The following NRXN3 variants were observed in gnomAD, a reference collection of about 807,000 sequenced individuals.
NRXN3 encodes the protein neurexin 3.
Under a neutral mutation model 137.6 loss-of-function variants are expected in NRXN3, and 32 were observed. The ratio of observed to expected loss-of-function variants is 0.23; its 90% CI spans 0.18 to 0.31. NRXN3 has a LOEUF of 0.31. Ranked by LOEUF, NRXN3 falls within the 10% of genes least tolerant of loss-of-function variation. The pLI is 1.00. For missense variants in NRXN3, 1,574 were observed against 2,062.5 expected (o/e 0.76, Z 4.59); for synonymous variants, 798 against 784.5 (o/e 1.02, Z -0.29).
chr14:79,598,776 T>C (rs777944643), intron 16 of NRXN3, among the ~76,000 whole-genome samples: 3 of 152,152 alleles, frequency 2.0e-5, no homozygotes, highest in Non-Finnish European at 2.9e-5. Flanking sequence ...ACACATCTCT[T>C]GGTGCTTTTG....
At chr14:79,153,829 G>A (rs1001902424) in intron 15 of NRXN3, among the ~76,000 whole-genome samples, 31 of 151,930 alleles carry the variant, frequency 2.0e-4, no homozygotes, top group African/African-American at 7.2e-4. Flanking sequence ...GTCCAGGCTT[G>A]GTAGGAACCC....
intron 16 of NRXN3, among the ~76,000 whole-genome samples, chr14:79,583,167 AG>A (rs2097733141): frequency 6.6e-6 from 1 of 152,226 alleles, no homozygotes; most frequent in Non-Finnish European, 1.5e-5. Context: ...GTGGCTAAAA[AG>A]AGGGCTCTGT....
chr14:78,253,319 T>C (rs907890380), intron 2 of NRXN3, among the ~76,000 whole-genome samples: 1 of 152,198 alleles, frequency 6.6e-6, no homozygotes, highest in Non-Finnish European at 1.5e-5. Flanking sequence ...TATTATAATG[T>C]ATTACTTTCT....
At chr14:79,639,677 A>G (rs1014958425) in intron 16 of NRXN3, among the ~76,000 whole-genome samples, 41 of 152,214 alleles carry the variant, frequency 2.7e-4, no homozygotes, top group African/African-American at 9.6e-4. Flanking sequence ...ATTGAGGGCC[A>G]ACCTCTTGAA....
intron 15 of NRXN3, among the ~76,000 whole-genome samples, chr14:79,286,075 T>G (rs1342672101): frequency 6.6e-6 from 1 of 152,186 alleles, no homozygotes; most frequent in African/African-American, 2.4e-5. Context: ...TGAAGACTTG[T>G]GTTTTCTTTC....
intron 10 of NRXN3, among the ~76,000 whole-genome samples, chr14:78,813,004 TAG>T (rs1168303370): frequency 6.9e-6 from 1 of 144,226 alleles, no homozygotes; most frequent in African/African-American, 2.6e-5. Flanking sequence ...TAGGGTTATG[TAG>T]AGTCACAAAG....
rs530050763 is a variant in NRXN3 at position 79,295,270 on chromosome 14, G to T, written c.3263-171951G>T. ...CTGGGATGTTTTCATCCAGATTGCC[G>T]TATGGCCACTCCTTCTTCTTATACG... is the stretch of plus-strand genomic sequence containing the variant. On this transcript the variant is annotated intron_variant, in intron 15 of 20. Transcript: ENST00000335750. Among the ~76,000 whole-genome samples, 5 of 151,662 alleles carry T rather than the reference G, an allele frequency of 3.3e-5. No homozygotes were observed. In the South Asian group the frequency reaches 1.0e-3, roughly 32 times the overall value.
At chr14:79,326,244 A>T (rs116659826) in intron 15 of NRXN3, among the ~76,000 whole-genome samples, 3,190 of 152,268 alleles carry the variant, frequency 0.021, 112 homozygotes, top group African/African-American at 0.073. Context: ...CTTCTTAAGG[A>T]CCTTAGTGCA....
chr14:79,000,187 C>A (rs1267646098), intron 15 of NRXN3, among the ~76,000 whole-genome samples: 1 of 151,858 alleles, frequency 6.6e-6, no homozygotes, highest in Non-Finnish European at 1.5e-5. Flanking sequence ...TTGAAATCAG[C>A]CCTTTACTAA....
intron 15 of NRXN3, among the ~76,000 whole-genome samples, chr14:78,998,831 T>C (rs2099535748): frequency 6.7e-6 from 1 of 149,608 alleles, no homozygotes; most frequent in Non-Finnish European, 1.5e-5. Flanking sequence ...CTTGAACTCC[T>C]GTCCTGAAGT....
At chr14:78,396,926 C>T (rs1240527110) in intron 4 of NRXN3, among the ~76,000 whole-genome samples, 1 of 152,128 alleles carries the variant, frequency 6.6e-6, no homozygotes, top group Non-Finnish European at 1.5e-5. Flanking sequence ...GGTTGGGGCT[C>T]TCTTTCTGGC....
At chr14:79,530,593 GTTTTTT>G (rs199958147) in intron 16 of NRXN3, among the ~76,000 whole-genome samples, 1 of 140,518 alleles carries the variant, frequency 7.1e-6, no homozygotes, top group Non-Finnish European at 1.6e-5. Context: ...GAGGTTTTTT[GTTTTTT>G]TTTTTTCCTT....
chr14:79,281,562 G>T (rs533999012), intron 15 of NRXN3, among the ~76,000 whole-genome samples: 125 of 152,222 alleles, frequency 8.2e-4, no homozygotes, highest in African/African-American at 2.9e-3. Flanking sequence ...GACTGGTCTT[G>T]CTTGGGAGCT....
At chr14:79,300,061 GTA>G (rs1226573814) in intron 15 of NRXN3, among the ~76,000 whole-genome samples, 1 of 152,026 alleles carries the variant, frequency 6.6e-6, no homozygotes, top group African/African-American at 2.4e-5. Flanking sequence ...AAAGCGACAA[GTA>G]TCAAAGGAAT....
chr14:78,242,827 C>T lies in NRXN3; in HGVS notation c.-267C>T, dbSNP rs2067223089. On this transcript the variant is annotated 5_prime_UTR_variant, in exon 2 of 21. Transcript: ENST00000335750. ...TTTACTCCAGTCCCTCACTTCCCCA[C>T]CTGATTTTCCTCCTCTTCTGCTGGT... 5 of 456,584 alleles carry T rather than the reference C, an allele frequency of 1.1e-5. No individual in the cohort carries two copies. The East Asian group carries it at 1.7e-4, about 15-fold the overall frequency. 28.3% of individuals were successfully genotyped at this position (456,584 alleles called of 1,614,324 possible).
In NRXN3 at chr14:79,647,315, G is replaced by T. The variant is rs1350719099; in HGVS notation, c.3445-16463G>T. On this transcript the variant is annotated intron_variant, in intron 16 of 20. Transcript: ENST00000335750. ...GGCCTGCATTAAATTTTTCTTTATG[G>T]TTATAGCCATGCAGATAGATGCATG... is the stretch of plus-strand genomic sequence containing the variant. Among the ~76,000 whole-genome samples the T allele has an allele frequency of 1.5e-5, 2 of 135,722 alleles. 1 individual carries two copies. The highest frequency in any genetic ancestry group is 3.4e-5 in the Non-Finnish European group (2 of 58,400). The allele number at this position is 135,722 out of a possible 152,430, so 89.0% of individuals were successfully genotyped here.
intron 15 of NRXN3, among the ~76,000 whole-genome samples, chr14:79,055,988 T>C (rs1443900965): frequency 6.6e-6 from 1 of 152,126 alleles, no homozygotes; most frequent in Non-Finnish European, 1.5e-5. Flanking sequence ...AGAAGTGAAA[T>C]GTTTAAAGAA....
chr14:78,942,991 G>A (rs1230591647), intron 10 of NRXN3, among the ~76,000 whole-genome samples: 1 of 152,212 alleles, frequency 6.6e-6, no homozygotes, highest in Non-Finnish European at 1.5e-5. Context: ...GAAAATGGGA[G>A]ATGTCTGAGA....
At chr14:79,482,184 T>C (rs2096615443) in intron 16 of NRXN3, among the ~76,000 whole-genome samples, 1 of 152,210 alleles carries the variant, frequency 6.6e-6, no homozygotes, top group African/African-American at 2.4e-5. Flanking sequence ...TTTTTGTGAA[T>C]GGTTATTATC....
Sources: allele counts gnomAD v4.1 joint callset (sites outside exome capture counted in the v4.1 genomes callset), GRCh38; gene constraint gnomAD v4.1.1; transcripts MANE v1.5; gene names NCBI Gene and HGNC (gene_info 2026-07-23, HGNC 2026-07-21).